Variants in UTY observed in about 807,000 individuals in gnomAD.
UTY encodes ubiquitously transcribed tetratricopeptide repeat containing, Y-linked.
A neutral mutation model predicts 32.5 loss-of-function variants in UTY; 12 were observed. The observed-to-expected ratio is 0.37, with a 90% confidence interval of 0.24 to 0.60. The LOEUF (loss-of-function observed/expected upper bound fraction) is 0.60, where lower values mean the gene tolerates loss of function less well. Ranked by LOEUF, UTY falls within the 20% of genes least tolerant of loss-of-function variation. The probability of loss-of-function intolerance (pLI) is 0.69; values close to 1 mark genes in which losing one functional copy is unlikely to be tolerated. For missense variants in UTY, 303 were observed against 299.2 expected (o/e 1.01, Z -0.09); for synonymous variants, 131 against 103.4 (o/e 1.27, Z -1.62).
At chrY:13,390,220 A>T (rs2067373517) in intron 8 of UTY, among the ~76,000 whole-genome samples, 2 of 32,025 alleles carry the variant, frequency 6.2e-5, no homozygotes, top group African/African-American at 2.4e-4. Flanking sequence ...TTTTCTTCCC[A>T]ATAAGTATTT....
intron 10 of UTY, 54 bp downstream of exon 10, chrY:13,366,213 C>A: frequency 2.9e-6 from 1 of 341,769 alleles, no homozygotes; most frequent in African/African-American, 6.8e-5. Context: ...ATAAAATCTA[C>A]AAATGATTTT....
At chrY:13,325,805 A>G in intron 19 of UTY, among the ~76,000 whole-genome samples, 2 of 33,532 alleles carry the variant, frequency 6.0e-5, no homozygotes, top group African/African-American at 2.3e-4. Context: ...AATATTTGAG[A>G]AGGCCTTAAT....
chrY:13,238,349 G>A lies in UTY; in HGVS notation c.*1477-3523C>T, dbSNP rs773229208. 7.8e-4 allele frequency among the ~76,000 whole-genome samples: 26 copies of A among 33,338 alleles called. No individual in the cohort carries two copies. In the East Asian group the frequency reaches 0.02, roughly 26 times the overall value. 89.4% of individuals were successfully genotyped at this position (33,338 alleles called of 37,273 possible). A position where few individuals can be genotyped will look rare whatever the true frequency, so the allele number is the denominator to read the frequency against. On this transcript the variant is annotated intron_variant and NMD_transcript_variant, in intron 28 of 28. Coordinates refer to the UTY transcript ENST00000682112. ...ATATGTGTGTATCAGATGTAGGCCTGGAGACTGGCCTCATGAGCTCACTGC... is the reference window on the plus strand; with the variant it reads ...ATATGTGTGTATCAGATGTAGGCCTAGAGACTGGCCTCATGAGCTCACTGC...
intron 18 of UTY, among the ~76,000 whole-genome samples, chrY:13,333,657 G>A: frequency 3.0e-5 from 1 of 33,897 alleles, no homozygotes; most frequent in Non-Finnish European, 7.3e-5. Context: ...CAGGACACAG[G>A]CATGGGCAAA....
At chrY:13,305,652 C>T in intron 23 of UTY, 105 bp from the exon 24 acceptor site, 1 of 312,303 alleles carries the variant, frequency 3.2e-6, no homozygotes, top group Non-Finnish European at 4.3e-6. Context: ...AAATATTTTA[C>T]CTGTATAGTC....
chrY:13,408,808 G>C, intron 6 of UTY, among the ~76,000 whole-genome samples: 1 of 31,992 alleles, frequency 3.1e-5, no homozygotes, highest in Non-Finnish European at 7.7e-5. Context: ...CACACTAAGA[G>C]AAGATTAATG....
chrY:13,445,305 C>A (rs2075644617), intron 4 of UTY, among the ~76,000 whole-genome samples: 1 of 19,748 alleles, frequency 5.1e-5, no homozygotes, highest in Admixed American at 5.1e-4. Context: ...TCTCTTGTGA[C>A]CATGACAGAA....
chrY:13,300,686 AAGAGG>A (rs2058331588), intron 25 of UTY, among the ~76,000 whole-genome samples: 1 of 33,530 alleles, frequency 3.0e-5, no homozygotes, highest in East Asian at 7.7e-4. Context: ...AAGTTTTCTC[AAGAGG>A]AAGAAATTCA....
chrY:13,299,269 T>C (rs2058251828), intron 25 of UTY, 125 bp from the exon 26 acceptor site: 1 of 141,772 alleles, frequency 7.1e-6, no homozygotes, highest in African/African-American at 9.6e-5. Flanking sequence ...AAAAAAATGC[T>C]TCAAGTTTTT....
At chrY:13,346,534 T>G (rs2061909906) in intron 17 of UTY, among the ~76,000 whole-genome samples, 1 of 33,313 alleles carries the variant, frequency 3.0e-5, no homozygotes, top group Non-Finnish European at 7.4e-5. Context: ...TATGGGAGCC[T>G]AAGAATTGAT....
At chrY:13,339,549 A>G in intron 17 of UTY, among the ~76,000 whole-genome samples, 1 of 33,757 alleles carries the variant, frequency 3.0e-5, no homozygotes, top group Non-Finnish European at 7.4e-5. Context: ...GAGAGGCTCC[A>G]CTGACCCAGA....
chrY:13,437,810 T>C (rs2074756786), intron 4 of UTY, among the ~76,000 whole-genome samples: 4 of 31,900 alleles, frequency 1.3e-4, no homozygotes, highest in African/African-American at 3.7e-4. Context: ...AACCAGAAAA[T>C]GGTAAATACT....
At chrY:13,428,730 T>C in intron 4 of UTY, among the ~76,000 whole-genome samples, 1 of 33,634 alleles carries the variant, frequency 3.0e-5, no homozygotes. Context: ...AAAAATAACA[T>C]GGATAATCTG....
intron 27 of UTY, chrY:13,286,676 T>A: frequency 2.7e-6 from 1 of 372,350 alleles, no homozygotes; most frequent in East Asian, 9.4e-5. Context: ...ACCGCCACAT[T>A]ACCATTTTTT....
chrY:13,428,387 T>C, intron 4 of UTY, among the ~76,000 whole-genome samples: 1 of 33,538 alleles, frequency 3.0e-5, no homozygotes, highest in Non-Finnish European at 7.4e-5. Context: ...ATGGGTACAA[T>C]TTCACTCCTC....
intron 3 of UTY, among the ~76,000 whole-genome samples, chrY:13,456,969 T>C (rs2076834803): frequency 3.0e-5 from 1 of 33,556 alleles, no homozygotes; most frequent in Non-Finnish European, 7.4e-5. Flanking sequence ...ATCATTTGAA[T>C]TGTCCACTCT....
At chrY:13,264,259 G>A in intron 27 of UTY, among the ~76,000 whole-genome samples, 1 of 33,563 alleles carries the variant, frequency 3.0e-5, no homozygotes, top group South Asian at 6.7e-4. Context: ...TTTTACAATA[G>A]AATAATTTAT....
intron 21 of UTY, among the ~76,000 whole-genome samples, chrY:13,312,188 C>A (rs2059151730): frequency 3.2e-5 from 1 of 31,456 alleles, no homozygotes; most frequent in South Asian, 7.0e-4. Context: ...GTCAGGAGAT[C>A]GAGACCATCC....
rs2078607697 is a variant in UTY, at chrY:13,472,472, A to AG, written c.217-2244_217-2243insC. Among the ~76,000 whole-genome samples the AG allele has an allele frequency of 1.2e-4, 4 of 33,330 alleles. No individual in the cohort carries two copies. In the East Asian group the frequency reaches 3.1e-3, roughly 26 times the overall value. 89.4% of individuals were successfully genotyped at this position (33,330 alleles called of 37,273 possible). ...AATCTCTTATACACTTTCATAGAGTATTAGCACACTCTGAAAAACAGTATG... is the reference window on the plus strand; with the variant it reads ...AATCTCTTATACACTTTCATAGAGTAGTTAGCACACTCTGAAAAACAGTATG... On this transcript the variant is annotated intron_variant, in intron 2 of 29. Transcript: ENST00000545955.
Sources: allele counts gnomAD v4.1 joint callset (sites outside exome capture counted in the v4.1 genomes callset), GRCh38; gene constraint gnomAD v4.1.1; transcripts MANE v1.5; gene names NCBI Gene and HGNC (gene_info 2026-07-23, HGNC 2026-07-21).